The following TCF12 variants were observed in gnomAD, a reference collection of about 807,000 sequenced individuals.
TCF12 encodes the protein transcription factor 12, also known as DNA-binding protein HTF4.
A neutral mutation model predicts 86.0 loss-of-function variants in TCF12; 45 were observed. That is an observed-to-expected ratio of 0.52 (90% CI 0.41 to 0.67). The LOEUF (loss-of-function observed/expected upper bound fraction) is 0.67. TCF12 is among the 30% of genes least tolerant of loss of function. TCF12 has a pLI of 0.00. For synonymous variants in TCF12, 330 were observed against 299.6 expected (o/e 1.10, Z -1.05); for missense variants, 881 against 859.9 (o/e 1.02, Z -0.31).
At chr15:56,993,543 TAA>T (rs1308094626) in intron 3 of TCF12, among the ~76,000 whole-genome samples, 1 of 152,190 alleles carries the variant, frequency 6.6e-6, no homozygotes, top group African/African-American at 2.4e-5. Context: ...AGACCACGTG[TAA>T]AGAGAAGCTT....
intron 3 of TCF12, among the ~76,000 whole-genome samples, chr15:57,019,184 T>G (rs1446822042): frequency 1.3e-5 from 2 of 152,220 alleles, no homozygotes; most frequent in Non-Finnish European, 2.9e-5. Context: ...TAGCAGACAA[T>G]ATTGAAGGTA....
intron 3 of TCF12, among the ~76,000 whole-genome samples, chr15:57,005,230 C>G (rs948431656): frequency 6.6e-6 from 1 of 152,036 alleles, no homozygotes; most frequent in Non-Finnish European, 1.5e-5. Flanking sequence ...TTTGGAGAAC[C>G]CTTGATTAAA....
intron 3 of TCF12, among the ~76,000 whole-genome samples, chr15:57,021,704 A>G (rs1281046654): frequency 5.3e-5 from 8 of 152,084 alleles, no homozygotes; most frequent in Non-Finnish European, 1.2e-4. Flanking sequence ...TGACTGTTGA[A>G]CAACATGGGT....
chr15:56,957,136 G>A (rs141987986), intron 3 of TCF12, among the ~76,000 whole-genome samples: 90 of 152,170 alleles, frequency 5.9e-4, no homozygotes, highest in African/African-American at 2.0e-3. Flanking sequence ...GAAGGCCCTC[G>A]CCAGATTCTG....
intron 6 of TCF12, among the ~76,000 whole-genome samples, chr15:57,184,718 T>G (rs1446325875): frequency 6.6e-6 from 1 of 152,166 alleles, no homozygotes; most frequent in Non-Finnish European, 1.5e-5. Flanking sequence ...TCTTGCCATT[T>G]AAGCAATATT....
chr15:56,934,868 A>G (rs1306021283), intron 3 of TCF12, among the ~76,000 whole-genome samples: 4 of 152,152 alleles, frequency 2.6e-5, no homozygotes, highest in Non-Finnish European at 4.4e-5. Context: ...TCAGAATAAG[A>G]CATTAACTGG....
chr15:57,070,059 A>G (rs1268463001), intron 4 of TCF12, among the ~76,000 whole-genome samples: 1 of 152,186 alleles, frequency 6.6e-6, no homozygotes, highest in East Asian at 1.9e-4. Flanking sequence ...GGTACTAATA[A>G]TAACTTCCTC....
At chr15:56,945,688 G>A (rs773091639) in intron 3 of TCF12, among the ~76,000 whole-genome samples, 2 of 151,966 alleles carry the variant, frequency 1.3e-5, no homozygotes, top group East Asian at 1.9e-4. Flanking sequence ...TAATTTGATT[G>A]TGAGGTTTGC....
At chr15:56,997,708 T>G (rs1461227769) in intron 3 of TCF12, among the ~76,000 whole-genome samples, 1 of 152,208 alleles carries the variant, frequency 6.6e-6, no homozygotes, top group African/African-American at 2.4e-5. Flanking sequence ...AAATGGTAGA[T>G]TTAAGTTCTT....
intron 20 of TCF12, among the ~76,000 whole-genome samples, chr15:57,284,869 C>CTTTA (rs2061867623): frequency 6.6e-6 from 1 of 152,198 alleles, no homozygotes; most frequent in Non-Finnish European, 1.5e-5. Flanking sequence ...ATAGCTCTAC[C>CTTTA]TTTATCTCTT....
chr15:57,000,096 C>G (rs1226900481), intron 3 of TCF12, among the ~76,000 whole-genome samples: 2 of 152,142 alleles, frequency 1.3e-5, no homozygotes, highest in African/African-American at 4.8e-5. Flanking sequence ...ATTTGAAAGA[C>G]AGAACACATT....
intron 3 of TCF12, among the ~76,000 whole-genome samples, chr15:57,001,012 A>ATT (rs71113050): frequency 0.021 from 2,675 of 126,718 alleles, 72 homozygotes; most frequent in East Asian, 0.034. Flanking sequence ...TTTAAAAAAA[A>ATT]TTTTTTTTTT....
At chr15:57,163,502 C>A (rs1277124193) in intron 5 of TCF12, among the ~76,000 whole-genome samples, 1 of 152,106 alleles carries the variant, frequency 6.6e-6, no homozygotes, top group Non-Finnish European at 1.5e-5. Context: ...GAGTTTGAGA[C>A]CAGCCTAGGC....
chr15:57,156,869 C>G (rs115591943), intron 5 of TCF12, among the ~76,000 whole-genome samples: 1,770 of 152,282 alleles, frequency 0.012, 33 homozygotes, highest in African/African-American at 0.04. Flanking sequence ...TAATGTTCTG[C>G]TTATCATTGT....
At position 57,233,626 on chromosome 15, in the gene TCF12, C is replaced by T. The variant is rs541041348; in HGVS notation, c.971-417C>T. Among the ~76,000 whole-genome samples, 3 of 152,238 alleles carry T rather than the reference C, an allele frequency of 2.0e-5. No individual in the cohort carries two copies. In the East Asian group the frequency reaches 5.8e-4, roughly 29 times the overall value. On this transcript the variant is annotated intron_variant, in intron 11 of 20. Coordinates refer to ENST00000333725, the MANE Select transcript of TCF12 (RefSeq NM_207037.2). ...CCAAGTAGCTGGGACTACAGGCACA[C>T]ACCACCATACCCAGCTAATTTTCCA...
intron 3 of TCF12, among the ~76,000 whole-genome samples, chr15:56,961,930 C>G (rs1343120851): frequency 6.6e-6 from 1 of 151,550 alleles, no homozygotes; most frequent in Non-Finnish European, 1.5e-5. Flanking sequence ...ATCACGAGGT[C>G]AGGAGATCGA....
At chr15:57,281,719 A>G (rs994569809) in intron 19 of TCF12, 3 of 152,584 alleles carry the variant, frequency 2.0e-5, no homozygotes. Context: ...CTGATGTGTC[A>G]TTCTGTCCCA....
chr15:57,108,552 C>T (rs2593214), intron 5 of TCF12, among the ~76,000 whole-genome samples: 1,617 of 152,114 alleles, frequency 0.011, 32 homozygotes, highest in African/African-American at 0.037. Flanking sequence ...GAAACTGGCT[C>T]TACAGGTAGA....
intron 5 of TCF12, among the ~76,000 whole-genome samples, chr15:57,150,437 A>G (rs1380148752): frequency 6.6e-6 from 1 of 152,154 alleles, no homozygotes; most frequent in Admixed American, 6.5e-5. Flanking sequence ...ACCTGGACTA[A>G]AGGGTATTCT....
Sources: gnomAD v4.1 joint callset for allele counts (sites outside exome capture counted in the v4.1 genomes callset) on GRCh38, gnomAD v4.1.1 for gene constraint, MANE v1.5 for transcripts, NCBI Gene and HGNC (gene_info 2026-07-23, HGNC 2026-07-21) for gene names.